SPATA13: variants seen among roughly 807,000 people sequenced by gnomAD.
SPATA13 encodes spermatogenesis-associated protein 13.
In SPATA13, 50 loss-of-function variants were observed where a neutral mutation model predicts 104.0. The observed-to-expected ratio is 0.48, with a 90% CI of 0.38 to 0.61. The LOEUF (loss-of-function observed/expected upper bound fraction) is 0.61, where lower values mean the gene tolerates loss of function less well. Among genes scored for constraint, SPATA13 ranks in the 20% least tolerant of loss-of-function variants. The pLI, the probability that SPATA13 is intolerant of heterozygous loss-of-function variation, is 0.00. For synonymous variants in SPATA13, 606 were observed against 667.5 expected (o/e 0.91, Z 1.42); for missense variants, 1,524 against 1,690.6 (o/e 0.90, Z 1.73).
chr13:24,043,651 T>C (rs1878016162), intron 3 of SPATA13, among the ~76,000 whole-genome samples: 1 of 146,954 alleles, frequency 6.8e-6, no homozygotes. Context: ...CCAAATTGTA[T>C]GTCTCTCGTA....
intron 3 of SPATA13, among the ~76,000 whole-genome samples, chr13:24,073,192 G>C (rs1051898896): frequency 6.6e-6 from 1 of 152,156 alleles, no homozygotes; most frequent in Non-Finnish European, 1.5e-5. Context: ...GGGGACTGTA[G>C]TGGACATTTG....
intron 1 of SPATA13, among the ~76,000 whole-genome samples, chr13:23,983,486 G>T (rs563929917): frequency 2.4e-4 from 36 of 152,274 alleles, no homozygotes; most frequent in African/African-American, 8.7e-4. Flanking sequence ...CCAGAGCAGA[G>T]AATTTTTAAA....
At chr13:24,156,908 A>G (rs971553577), upstream of SPATA13, among the ~76,000 whole-genome samples, 2 of 152,200 alleles carry the variant, frequency 1.3e-5, no homozygotes, top group Non-Finnish European at 2.9e-5. Context: ...CTGTGGTTCA[A>G]CCAACCCCCT....
At position 24,160,803 on chromosome 13, in the gene SPATA13, C is replaced by T; in HGVS notation, c.-241C>T. 1 of 985,452 alleles carries T rather than the reference C, an allele frequency of 1.0e-6. No individual in the cohort carries two copies. Among genetic ancestry groups the T allele is most frequent in the Non-Finnish European group, 1.2e-6 (1 of 829,966 alleles). The allele number at this position is 985,452 out of a possible 1,614,324, so 61.0% of individuals were successfully genotyped here. A position where few individuals can be genotyped will look rare whatever the true frequency, so the allele number is the denominator to read the frequency against. On this transcript the variant is annotated 5_prime_UTR_variant, in exon 1 of 13. Coordinates refer to ENST00000382108, the MANE Select transcript of SPATA13 (RefSeq NM_001166271.3). Reference sequence around the variant, plus strand: ...CTGCCGGTCGCTAGCTCCGAGGGCGCGCACTGGATCCCAGGCTCCTCCGAG... The same window carrying T: ...CTGCCGGTCGCTAGCTCCGAGGGCGTGCACTGGATCCCAGGCTCCTCCGAG...
chr13:24,188,895 G>A (rs1429040835), intron 1 of SPATA13, among the ~76,000 whole-genome samples: 1 of 152,112 alleles, frequency 6.6e-6, no homozygotes, highest in Non-Finnish European at 1.5e-5. Context: ...AAAATCCTAG[G>A]CCTGTAGAAT....
At chr13:24,284,749 G>A (rs918661976) in intron 5 of SPATA13, among the ~76,000 whole-genome samples, 4 of 152,154 alleles carry the variant, frequency 2.6e-5, no homozygotes, top group Non-Finnish European at 5.9e-5. Flanking sequence ...GAGGCAGCTC[G>A]TCTTTTTAGG....
chr13:24,153,815 A>G (rs1882176225), intron 3 of SPATA13, among the ~76,000 whole-genome samples: 1 of 152,220 alleles, frequency 6.6e-6, no homozygotes, highest in Admixed American at 6.5e-5. Flanking sequence ...GGTGAGGTAT[A>G]GTGAGAGAGT....
intron 3 of SPATA13, among the ~76,000 whole-genome samples, chr13:24,082,495 C>T (rs1289823767): frequency 6.6e-6 from 1 of 152,158 alleles, no homozygotes; most frequent in Admixed American, 6.5e-5. Context: ...GAAGCTGTGG[C>T]CTTTTCTATA....
chr13:24,278,711 T>C (rs770713865), intron 4 of SPATA13: 1 of 1,564,016 alleles, frequency 6.4e-7, no homozygotes, highest in Non-Finnish European at 8.6e-7. Context: ...ATGGGTTTTA[T>C]CATCCACATT....
intron 3 of SPATA13, among the ~76,000 whole-genome samples, chr13:24,072,218 A>G (rs1405607234): frequency 6.6e-6 from 1 of 152,234 alleles, no homozygotes; most frequent in Non-Finnish European, 1.5e-5. Flanking sequence ...AACAATGTAG[A>G]ATCAATGCTG....
intron 4 of SPATA13, chr13:24,278,769 C>CA: frequency 1.3e-6 from 2 of 1,599,276 alleles, no homozygotes; most frequent in Non-Finnish European, 1.7e-6. Context: ...GACTCATACT[C>CA]AAAAAAGAAA....
rs1879235970 is a variant in SPATA13 at position 24,073,611 on chromosome 13, T to C, written c.-112+55910T>C. Among the ~76,000 whole-genome samples the C allele has an allele frequency of 1.3e-5, 2 of 152,230 alleles. 1 individual carries two copies. The highest frequency in any genetic ancestry group is 4.1e-4 in the South Asian group (2 of 4,832). Reference sequence around the variant, plus strand: ...AGTAAGTGGACTTTAGGCCAGTCCTTAAAGCTTTTAGGACTTAGTGAGGTC... The same window carrying C: ...AGTAAGTGGACTTTAGGCCAGTCCTCAAAGCTTTTAGGACTTAGTGAGGTC... On this transcript the variant is annotated intron_variant, in intron 3 of 14. Coordinates refer to the SPATA13 transcript ENST00000424834.
intron 1 of SPATA13, among the ~76,000 whole-genome samples, chr13:24,206,490 G>A (rs1433937358): frequency 6.6e-6 from 1 of 152,176 alleles, no homozygotes; most frequent in Non-Finnish European, 1.5e-5. Flanking sequence ...CAGCCCTTGT[G>A]GAAAACAGTG....
Position 24,237,129 on chromosome 13 carries a change from G to C in SPATA13, c.1654-12348G>C, listed in dbSNP as rs112485647. 3.1e-3 allele frequency among the ~76,000 whole-genome samples: 466 copies of C among 152,276 alleles called. 3 individuals carry two copies. The highest frequency in any genetic ancestry group is 0.011 in the African/African-American group (456 of 41,536). On this transcript the variant is annotated intron_variant, in intron 2 of 12. Coordinates refer to ENST00000382108, the MANE Select transcript of SPATA13 (RefSeq NM_001166271.3). ...TCCCAGCACTTTCTGAGGCCGAGGT[G>C]GGTGAATCATGAGGTCAGGAGTTCG...
intron 3 of SPATA13, among the ~76,000 whole-genome samples, chr13:24,114,332 A>C (rs1328130774): frequency 1.0e-5 from 1 of 96,722 alleles, no homozygotes; most frequent in Non-Finnish European, 2.5e-5. Flanking sequence ...ATATGCGAGC[A>C]TATAGAAGCT....
At chr13:24,038,755 T>C (rs1225839515) in intron 3 of SPATA13, among the ~76,000 whole-genome samples, 1 of 152,184 alleles carries the variant, frequency 6.6e-6, no homozygotes, top group South Asian at 2.1e-4. Context: ...CTGGAGTTCT[T>C]GAACCTCTGA....
intron 2 of SPATA13, among the ~76,000 whole-genome samples, chr13:24,231,924 G>C (rs1872300761): frequency 6.6e-6 from 1 of 152,202 alleles, no homozygotes; most frequent in East Asian, 1.9e-4. Flanking sequence ...TGCCGATTCA[G>C]ATCTTTTGCT....
chr13:24,217,330 C>T (rs903278242), intron 1 of SPATA13, among the ~76,000 whole-genome samples: 4 of 152,132 alleles, frequency 2.6e-5, no homozygotes, highest in African/African-American at 9.7e-5. Flanking sequence ...ATTCTTCTTC[C>T]TAATAGCATC....
At chr13:24,019,090 A>T (rs796083947) in intron 3 of SPATA13, among the ~76,000 whole-genome samples, 26 of 138,436 alleles carry the variant, frequency 1.9e-4, no homozygotes, top group East Asian at 8.1e-4. Context: ...TATTATTATT[A>T]TTATTTTTTT....
Sources: gnomAD v4.1 joint callset for allele counts (sites outside exome capture counted in the v4.1 genomes callset) on GRCh38, gnomAD v4.1.1 for gene constraint, MANE v1.5 for transcripts, NCBI Gene and HGNC (gene_info 2026-07-23, HGNC 2026-07-21) for gene names.